The following PRKCH variants were observed in gnomAD, a reference collection of about 807,000 sequenced individuals.
The protein encoded by PRKCH is protein kinase C eta.
Under a neutral mutation model 82.5 loss-of-function variants are expected in PRKCH, and 28 were observed. The observed-to-expected ratio is 0.34, with a 90% CI of 0.25 to 0.47. PRKCH has a LOEUF of 0.47. PRKCH is among the 20% of genes least tolerant of loss of function. The pLI is 1.00. For missense variants in PRKCH, 705 were observed against 881.8 expected, an observed-to-expected ratio of 0.80 and a Z score of 2.54; for synonymous variants, 322 against 327.4, an observed-to-expected ratio of 0.98 and a Z score of 0.18.
chr14:61,434,545 A>G (rs1883584352), intron 2 of PRKCH, among the ~76,000 whole-genome samples: 1 of 152,258 alleles, frequency 6.6e-6, no homozygotes, highest in African/African-American at 2.4e-5. Flanking sequence ...TCATAGAATC[A>G]CAGCAAGAGA....
intron 1 of PRKCH, among the ~76,000 whole-genome samples, chr14:61,339,986 A>G (rs1394732579): frequency 4.6e-5 from 7 of 151,932 alleles, no homozygotes; most frequent in African/African-American, 1.7e-4. Context: ...TGCCTGGCGA[A>G]ACCTTCATTT....
At chr14:61,400,966 TG>T (rs951571221) in intron 2 of PRKCH, among the ~76,000 whole-genome samples, 3 of 151,592 alleles carry the variant, frequency 2.0e-5, no homozygotes, top group East Asian at 3.9e-4. Context: ...GAGTTGGGGG[TG>T]GGGGGGCAGC....
In PRKCH at chr14:61,529,201, T is replaced by C; in HGVS notation, c.1560T>C (p.Tyr520=). The C allele has an allele frequency of 6.2e-7, 1 of 1,613,246 alleles. No individual in the cohort carries two copies. Among genetic ancestry groups the C allele is most frequent in the Non-Finnish European group, 8.5e-7 (1 of 1,179,482 alleles). The change falls in exon 11 of 14, where the codon TAT becomes TAC. Residue 520 remains tyrosine, a synonymous_variant. Coordinates refer to ENST00000332981, the MANE Select transcript of PRKCH (RefSeq NM_006255.5). ...CCACATTCTGTGGCACGCCAGACTA[T>C]ATCGCTCCAGAGGTGAGTGCAGCTG... ...TTATFCGTPD[Y]IAPEILQEML... is the part of the protein sequence containing the mutation.
intron 1 of PRKCH, among the ~76,000 whole-genome samples, chr14:61,263,323 AT>A (rs1387930369): frequency 1.3e-5 from 2 of 152,202 alleles, no homozygotes; most frequent in Non-Finnish European, 2.9e-5. Flanking sequence ...TTATGAAAAA[AT>A]GTGCTATACA....
chr14:61,456,458 C>T (rs1884772076), intron 7 of PRKCH, among the ~76,000 whole-genome samples: 1 of 152,158 alleles, frequency 6.6e-6, no homozygotes, highest in African/African-American at 2.4e-5. Context: ...GCCGTTAGAA[C>T]TCATATTCTT....
intron 2 of PRKCH, among the ~76,000 whole-genome samples, chr14:61,423,350 C>T (rs1267337144): frequency 2.0e-5 from 3 of 152,156 alleles, no homozygotes; most frequent in Non-Finnish European, 4.4e-5. Context: ...CTCTGATCTC[C>T]TACAAATTTT....
At chr14:61,374,987 T>C (rs1448194204) in intron 1 of PRKCH, among the ~76,000 whole-genome samples, 1 of 152,076 alleles carries the variant, frequency 6.6e-6, no homozygotes, top group Non-Finnish European at 1.5e-5. Context: ...CCCTTTTAAA[T>C]GTAAGTTCCA....
chr14:61,322,507 C>G (rs757797196), intron 1 of PRKCH, 43 bp downstream of exon 1: 8 of 1,557,834 alleles, frequency 5.1e-6, no homozygotes, highest in East Asian at 2.3e-5. Context: ...ACCCAACCCC[C>G]GTTCCCCTTA....
At chr14:61,270,726 A>ACGT (rs2045143949) in intron 1 of PRKCH, among the ~76,000 whole-genome samples, 1 of 152,226 alleles carries the variant, frequency 6.6e-6, no homozygotes, top group South Asian at 2.1e-4. Flanking sequence ...TAATCCCAGC[A>ACGT]CGTAGTGAGA....
intron 12 of PRKCH, among the ~76,000 whole-genome samples, chr14:61,535,494 G>A (rs1054334806): frequency 2.0e-5 from 3 of 152,210 alleles, no homozygotes; most frequent in African/African-American, 4.8e-5. Flanking sequence ...AGTGTGCAGA[G>A]GTCTTGAGAA....
intron 2 of PRKCH, among the ~76,000 whole-genome samples, chr14:61,393,465 G>A (rs1193243766): frequency 6.6e-6 from 1 of 152,202 alleles, no homozygotes; most frequent in African/African-American, 2.4e-5. Flanking sequence ...TAGCCAGTGT[G>A]AGGTTTCAGT....
chr14:61,255,906 T>C (rs1386561534), intron 1 of PRKCH, among the ~76,000 whole-genome samples: 2 of 152,128 alleles, frequency 1.3e-5, no homozygotes, highest in African/African-American at 4.8e-5. Flanking sequence ...TTTAAGGCAG[T>C]CTTATCTATT....
chr14:61,486,838 A>G (rs1886248009), intron 10 of PRKCH, among the ~76,000 whole-genome samples: 1 of 152,118 alleles, frequency 6.6e-6, no homozygotes, highest in Non-Finnish European at 1.5e-5. Flanking sequence ...TTCTCTTGAG[A>G]TGCAATTGTT....
chr14:61,245,184 A>AT (rs1187721459), intron 1 of PRKCH, among the ~76,000 whole-genome samples: 1 of 152,224 alleles, frequency 6.6e-6, no homozygotes, highest in Non-Finnish European at 1.5e-5. Flanking sequence ...TCAATTTGGA[A>AT]TTTTAAAAAA....
At chr14:61,333,474 T>C (rs1168116002) in intron 1 of PRKCH, among the ~76,000 whole-genome samples, 1 of 152,194 alleles carries the variant, frequency 6.6e-6, no homozygotes, top group Non-Finnish European at 1.5e-5. Context: ...TTTGAGGACA[T>C]TTTCACTTCA....
intron 1 of PRKCH, among the ~76,000 whole-genome samples, chr14:61,287,518 C>G (rs1221154245): frequency 6.6e-6 from 1 of 152,088 alleles, no homozygotes; most frequent in African/African-American, 2.4e-5. Context: ...TGAGACCAGC[C>G]TGGCCAACAT....
chr14:61,445,605 G>A, intron 3 of PRKCH, 87 bp from the exon 4 acceptor site: 1 of 1,140,134 alleles, frequency 8.8e-7, no homozygotes, highest in Non-Finnish European at 1.3e-6. Flanking sequence ...CATAAAGGAG[G>A]AGAGGATGAA....
chr14:61,225,506 A>G (rs542480732), intron 1 of PRKCH, among the ~76,000 whole-genome samples: 1 of 152,266 alleles, frequency 6.6e-6, no homozygotes, highest in African/African-American at 2.4e-5. Flanking sequence ...AGCGCAGAAC[A>G]CCCACTCTGT....
chr14:61,207,514 C>A (rs2044536366), intron 1 of PRKCH, among the ~76,000 whole-genome samples: 1 of 152,148 alleles, frequency 6.6e-6, no homozygotes, highest in Admixed American at 6.6e-5. Context: ...TTCTTAGCTG[C>A]AGTTTTTTAT....
Sources: gnomAD v4.1 joint callset for allele counts (sites outside exome capture counted in the v4.1 genomes callset) on GRCh38, gnomAD v4.1.1 for gene constraint, MANE v1.5 for transcripts, NCBI Gene and HGNC (gene_info 2026-07-23, HGNC 2026-07-21) for gene names.